Variants in KCTD19 observed in about 807,000 individuals in gnomAD.
The protein encoded by KCTD19 is BTB/POZ domain-containing protein KCTD19.
Under a neutral mutation model 103.5 loss-of-function variants are expected in KCTD19, and 67 were observed. That is an observed-to-expected ratio of 0.65 (90% CI 0.53 to 0.79). KCTD19 has a LOEUF of 0.79. Ranked by LOEUF, KCTD19 falls within the 30% of genes least tolerant of loss-of-function variation. The probability of loss-of-function intolerance (pLI) is 0.00; values close to 1 mark genes in which losing one functional copy is unlikely to be tolerated. For synonymous variants in KCTD19, 439 were observed against 452.2 expected (o/e 0.97, Z 0.37); for missense variants, 980 against 1,136.1 (o/e 0.86, Z 1.98).
In KCTD19 at chr16:67,303,032, G is replaced by T; in HGVS notation, c.643+114C>A. On this transcript the variant is annotated intron_variant, in intron 4 of 15. Transcript: ENST00000304372. This position sits in a 1 kb window ranked among gnomAD's most constrained non-coding sequence, Gnocchi z 4.3. The stretch of plus-strand genomic sequence containing the variant: ...GTCATGCTTCCGCTACCTCTGCCCA[G>T]GGAAGCTCCTGAGGCCCTGAGCACC... 1.0e-6 allele frequency: 1 copy of T among 981,202 alleles called. No individual in the cohort carries two copies. Among genetic ancestry groups the T allele is most frequent in the Non-Finnish European group, 1.5e-6 (1 of 652,260 alleles). The allele number at this position is 981,202 out of a possible 1,614,324, so 60.8% of individuals were successfully genotyped here.
chr16:67,296,072 A>G, intron 8 of KCTD19, 87 bp downstream of exon 8: 1 of 817,216 alleles, frequency 1.2e-6, no homozygotes, highest in Non-Finnish European at 2.2e-6. Context: ...CAAGTGCTGG[A>G]AGCTGTGTGA....
intron 2 of KCTD19, among the ~76,000 whole-genome samples, chr16:67,309,026 C>T (rs2036922706): frequency 6.6e-6 from 1 of 150,732 alleles, no homozygotes; most frequent in Non-Finnish European, 1.5e-5. Flanking sequence ...CCCAGCTACT[C>T]TGGAGGCTGA....
intron 15 of KCTD19, 36 bp from the exon 16 acceptor site, chr16:67,289,718 G>A (rs1305330969): frequency 6.7e-7 from 1 of 1,502,790 alleles, no homozygotes; most frequent in Admixed American, 1.7e-5. Context: ...CTGATTTCCT[G>A]GCCAGTTGTC....
At position 67,320,459 on chromosome 16, in the gene KCTD19, C is replaced by T; in HGVS notation, c.300+130G>A. ...ATACTAATGAGGAAATTATTTATTACTTTAACACACTTATTACATTTGCCC... is the reference window on the plus strand; with the variant it reads ...ATACTAATGAGGAAATTATTTATTATTTTAACACACTTATTACATTTGCCC... On this transcript the variant is annotated intron_variant, in intron 2 of 15. Coordinates refer to ENST00000304372, the MANE Select transcript of KCTD19 (RefSeq NM_001100915.3). This position sits in a 1 kb window ranked among gnomAD's most constrained non-coding sequence, Gnocchi z 4.0. 1.1e-6 allele frequency: 1 copy of T among 879,296 alleles called. No homozygotes were observed. The highest frequency in any genetic ancestry group is 1.8e-6 in the Non-Finnish European group (1 of 559,898). 54.5% of individuals were successfully genotyped at this position (879,296 alleles called of 1,614,324 possible).
chr16:67,313,858 C>CT (rs753299102), intron 2 of KCTD19, among the ~76,000 whole-genome samples: 6,738 of 141,804 alleles, frequency 0.048, 163 homozygotes, highest in Middle Eastern at 0.12. Context: ...TGCACCCGGC[C>CT]TTTTTTTTTT....
intron 1 of KCTD19, among the ~76,000 whole-genome samples, chr16:67,322,859 A>G (rs752449592): frequency 1.5e-4 from 23 of 152,230 alleles, no homozygotes; most frequent in Non-Finnish European, 2.2e-4. Context: ...CTTAAACTCA[A>G]TAACAAAAAG....
intron 2 of KCTD19, chr16:67,305,615 C>G (rs2036883772): frequency 2.2e-6 from 1 of 455,574 alleles, no homozygotes; most frequent in Non-Finnish European, 4.4e-6. Flanking sequence ...AAAAGTCCTG[C>G]AGGGGGCAGA....
chr16:67,326,460 A>T (rs150467669), intron 1 of KCTD19, among the ~76,000 whole-genome samples: 1 of 151,924 alleles, frequency 6.6e-6, no homozygotes, highest in East Asian at 1.9e-4. Flanking sequence ...TCAAAGGGGC[A>T]CACGCCCAGC....
At chr16:67,325,261 G>A (rs941780388) in intron 1 of KCTD19, among the ~76,000 whole-genome samples, 5 of 141,294 alleles carry the variant, frequency 3.5e-5, no homozygotes, top group Admixed American at 2.1e-4. Context: ...CTGGAGTGCA[G>A]TGGCACGATT....
intron 2 of KCTD19, among the ~76,000 whole-genome samples, chr16:67,308,125 TCCTC>T (rs1327212324): frequency 1.3e-5 from 2 of 151,414 alleles, no homozygotes; most frequent in Non-Finnish European, 2.9e-5. Flanking sequence ...CTTCCTTCCT[TCCTC>T]CCTCCCTCCC....
At chr16:67,312,553 A>G (rs2036960064) in intron 2 of KCTD19, among the ~76,000 whole-genome samples, 1 of 152,180 alleles carries the variant, frequency 6.6e-6, no homozygotes, top group African/African-American at 2.4e-5. Context: ...AGACCTGTAC[A>G]TCCCGCGCCT....
intron 12 of KCTD19, among the ~76,000 whole-genome samples, chr16:67,292,916 C>T (rs948453123): frequency 2.0e-5 from 3 of 152,242 alleles, no homozygotes; most frequent in East Asian, 3.9e-4. Flanking sequence ...AGAAACCTGG[C>T]TTCTCCTTGG....
rs985356841 is a variant in KCTD19, at chr16:67,290,322, C to T, written c.2667+563G>A. Among the ~76,000 whole-genome samples, 17 of 151,940 alleles carry T rather than the reference C, an allele frequency of 1.1e-4. No individual in the cohort carries two copies. In the South Asian group the frequency reaches 1.2e-3, roughly 11 times the overall value. ...CCTCCTGAGTAGCTGGGACTACAGGCGCCCACCACCACGCCTGGCTAATTT... is the reference window on the plus strand; with the variant it reads ...CCTCCTGAGTAGCTGGGACTACAGGTGCCCACCACCACGCCTGGCTAATTT... On this transcript the variant is annotated intron_variant, in intron 15 of 15. Transcript: ENST00000304372.
rs769654789 is a variant in KCTD19, at chr16:67,293,802, G to C, written c.1960C>G (p.Pro654Ala). ...GGGCTGCTCCGTGTGGCTGTCAGTG[G>C]CTGGAATTCCCACTGTTTGCAATTG... ...MVNCKQWEFQ[P>A]LTATRSSPLE... is the part of the protein sequence containing the mutation. Residue 654 changes from proline to alanine, a missense_variant, in exon 12 of 16, where the codon CCA becomes GCA. Physicochemically the swap from Pro to Ala is conservative, Grantham distance 27. Transcript: ENST00000304372. The surrounding 1 kb of genome is among the most constrained non-coding windows in gnomAD (Gnocchi z 4.0). 1.2e-6 allele frequency: 2 copies of C among 1,613,726 alleles called. No individual in the cohort carries two copies. The highest frequency in any genetic ancestry group is 1.7e-6 in the Non-Finnish European group (2 of 1,180,026).
At position 67,290,880 on chromosome 16, in the gene KCTD19, C is replaced by T. The variant is rs749794376; in HGVS notation, c.2667+5G>A. 1.2e-6 allele frequency: 2 copies of T among 1,609,170 alleles called. No individual in the cohort carries two copies. The highest frequency in any genetic ancestry group is 1.1e-5 in the South Asian group (1 of 90,150). ...GGATTCCCAGGGATTGCAAGTGGCC[C>T]TCACCTCCACCCAGCTGTACAGGCG... On this transcript the variant is annotated splice_donor_5th_base_variant and intron_variant, in intron 15 of 15. Coordinates refer to ENST00000304372, the MANE Select transcript of KCTD19 (RefSeq NM_001100915.3).
At chr16:67,291,882 T>C (rs570829896) in intron 12 of KCTD19, 45 bp from the exon 13 acceptor site, 1 of 1,391,566 alleles carries the variant, frequency 7.2e-7, no homozygotes, top group East Asian at 2.5e-5. Context: ...TAAAAAAAAA[T>C]TTTTTTTCAA....
chr16:67,312,074 G>C (rs2036955350), intron 2 of KCTD19, among the ~76,000 whole-genome samples: 1 of 152,198 alleles, frequency 6.6e-6, no homozygotes, highest in Non-Finnish European at 1.5e-5. Flanking sequence ...GGCGTGTTTG[G>C]GTTGCTTGCT....
rs1381153829 is a variant in KCTD19, at chr16:67,294,608, A to G, written c.1562T>C (p.Leu521Pro). 6.2e-7 allele frequency: 1 copy of G among 1,613,846 alleles called. No individual in the cohort carries two copies. ...LHVVTEGPGS[L>P]VEFSRDTKET... Reference sequence around the variant, plus strand: ...TTTAGTGTCTCTACTGAACTCCACCAGTGACCCTGGCCCTTCTGTCACCAC... The same window carrying G: ...TTTAGTGTCTCTACTGAACTCCACCGGTGACCCTGGCCCTTCTGTCACCAC... The change falls in exon 11 of 16, where the codon CTG (leucine) becomes CCG (proline). Residue 521 changes from leucine to proline, a missense_variant. Transcript: ENST00000304372.
At chr16:67,296,847 T>A in intron 7 of KCTD19, among the ~76,000 whole-genome samples, 1 of 152,106 alleles carries the variant, frequency 6.6e-6, no homozygotes. Context: ...ATAACTAGAT[T>A]ATATAACCAA....
Sources: gnomAD v4.1 joint callset for allele counts (sites outside exome capture counted in the v4.1 genomes callset) on GRCh38, gnomAD v4.1.1 for gene constraint, Gnocchi (gnomAD v3.1) non-coding constraint, MANE v1.5 for transcripts, NCBI Gene and HGNC (gene_info 2026-07-23, HGNC 2026-07-21) for gene names.